Variants in SEC24B observed in about 807,000 individuals in gnomAD.
The protein encoded by SEC24B is protein transport protein Sec24B.
A neutral mutation model predicts 142.8 loss-of-function variants in SEC24B; 45 were observed. The ratio of observed to expected loss-of-function variants is 0.32; its 90% CI spans 0.25 to 0.40. The LOEUF is 0.40. Ranked by LOEUF, SEC24B falls within the 10% of genes least tolerant of loss-of-function variation. The pLI is 1.00. For synonymous variants in SEC24B, 574 were observed against 568.2 expected (o/e 1.01, Z -0.15); for missense variants, 1,409 against 1,526.8 (o/e 0.92, Z 1.29).
intron 9 of SEC24B, 138 bp downstream of exon 9, chr4:109,512,221 A>G (rs1250578161): frequency 2.1e-5 from 16 of 759,652 alleles, no homozygotes; most frequent in South Asian, 1.9e-4. Flanking sequence ...AATATAGGCT[A>G]AGGCTAGGAC....
Position 109,482,936 on chromosome 4 carries a change from CTATATATATATATATATATATA to C in SEC24B, c.1165+1178_1165+1199del, listed in dbSNP as rs775978447. 2.7e-3 allele frequency among the ~76,000 whole-genome samples: 92 copies of C among 34,618 alleles called. 6 individuals carry two copies. The East Asian group carries it at 0.03, about 11-fold the overall frequency. The allele number at this position is 34,618 out of a possible 152,430, so 22.7% of individuals were successfully genotyped here. A position where few individuals can be genotyped will look rare whatever the true frequency, so the allele number is the denominator to read the frequency against. On this transcript the variant is annotated intron_variant, in intron 4 of 23. Coordinates refer to ENST00000265175, the MANE Select transcript of SEC24B (RefSeq NM_006323.5). ...CATGAGCTACCTTGCCAGGCTTGTA[CTATATATATATATATATATATA>C]TATATATATATATATATATATACAC...
chr4:109,511,671 C>G (rs34851707), intron 8 of SEC24B, among the ~76,000 whole-genome samples: 15,155 of 152,232 alleles, frequency 0.1, 840 homozygotes, highest in Middle Eastern at 0.18. Context: ...ATGTTTCTCT[C>G]TCACTGTTAT....
intron 22 of SEC24B, among the ~76,000 whole-genome samples, chr4:109,537,224 A>C (rs2126109856): frequency 6.6e-6 from 1 of 152,334 alleles, no homozygotes; most frequent in African/African-American, 2.4e-5. Flanking sequence ...AGATTGTCAA[A>C]AATTTTAAAA....
intron 1 of SEC24B, among the ~76,000 whole-genome samples, chr4:109,437,333 G>A (rs984410759): frequency 2.0e-5 from 3 of 152,194 alleles, no homozygotes; most frequent in African/African-American, 7.2e-5. Context: ...CACCCAGGCT[G>A]GAGTCAGTGA....
At chr4:109,436,052 G>A (rs904883364) in intron 1 of SEC24B, among the ~76,000 whole-genome samples, 1 of 152,118 alleles carries the variant, frequency 6.6e-6, no homozygotes, top group African/African-American at 2.4e-5. Context: ...GGTTAAAAGG[G>A]GTCAGGTTGC....
intron 2 of SEC24B, 28 bp downstream of exon 2, chr4:109,463,672 CA>C (rs767892243): frequency 1.0e-5 from 16 of 1,593,532 alleles, no homozygotes; most frequent in Non-Finnish European, 1.4e-5. Context: ...TTCACCAAAA[CA>C]TGTTTGAAAA....
chr4:109,525,555 A>C, intron 16 of SEC24B, 51 bp downstream of exon 16: 1 of 1,319,384 alleles, frequency 7.6e-7, no homozygotes, highest in Non-Finnish European at 1.0e-6. Flanking sequence ...TATCAAAGTC[A>C]GTGAGCATTC....
chr4:109,447,051 A>T (rs1578762285), intron 1 of SEC24B, among the ~76,000 whole-genome samples: 1 of 152,250 alleles, frequency 6.6e-6, no homozygotes. Flanking sequence ...GCATGCATTC[A>T]CTTGTAGGAT....
chr4:109,473,259 TA>T (rs2125961956), intron 3 of SEC24B, 73 bp downstream of exon 3: 1 of 1,075,012 alleles, frequency 9.3e-7, no homozygotes. Context: ...GAAAAAAAGT[TA>T]CTTATAATCT....
intron 4 of SEC24B, among the ~76,000 whole-genome samples, chr4:109,483,003 C>CACACACACACACACACACACACACAT (rs1408633373): frequency 3.4e-4 from 29 of 84,064 alleles, no homozygotes; most frequent in African/African-American, 2.0e-3. Flanking sequence ...CACACACACA[C>CACACACACACACACACACACACACAT]ATATTATACA....
chr4:109,510,419 T>G (rs1737191582), intron 8 of SEC24B, among the ~76,000 whole-genome samples: 1 of 152,200 alleles, frequency 6.6e-6, no homozygotes, highest in East Asian at 1.9e-4. Context: ...AATCAAATTC[T>G]ATGAGATACT....
At chr4:109,491,636 C>A (rs1440195142) in intron 5 of SEC24B, among the ~76,000 whole-genome samples, 10 of 152,102 alleles carry the variant, frequency 6.6e-5, no homozygotes, top group Admixed American at 2.0e-4. Flanking sequence ...TTATCTTTTT[C>A]TAAAAGATTT....
rs1274347597 is a variant in SEC24B at position 109,484,812 on chromosome 4, A to G, written c.1165+3031A>G. Among the ~76,000 whole-genome samples the G allele has an allele frequency of 6.0e-5, 9 of 149,894 alleles. No individual in the cohort carries two copies. The East Asian group carries it at 1.8e-3, about 29-fold the overall frequency. On this transcript the variant is annotated intron_variant, in intron 4 of 23. Coordinates refer to ENST00000265175, the MANE Select transcript of SEC24B (RefSeq NM_006323.5). ...GGTTGCAGTGAGCCGAGATCACGCC[A>G]CTGCCCTGCAGCCTGGGTGGCAGAG...
intron 6 of SEC24B, among the ~76,000 whole-genome samples, chr4:109,499,833 T>A (rs1177025477): frequency 6.6e-6 from 1 of 151,276 alleles, no homozygotes; most frequent in African/African-American, 2.5e-5. Flanking sequence ...CTAAACTTTT[T>A]ATCTTTATTT....
At chr4:109,469,159 A>G (rs574967084) in intron 2 of SEC24B, among the ~76,000 whole-genome samples, 1 of 152,288 alleles carries the variant, frequency 6.6e-6, no homozygotes, top group South Asian at 2.1e-4. Flanking sequence ...TTGAATCATG[A>G]TTTCCTTCTC....
chr4:109,486,505 C>A (rs1734370226), intron 4 of SEC24B, among the ~76,000 whole-genome samples: 1 of 152,182 alleles, frequency 6.6e-6, no homozygotes, highest in African/African-American at 2.4e-5. Context: ...CTCGTTACTT[C>A]TTTAGATTTC....
chr4:109,539,004 C>T (rs937528910), intron 23 of SEC24B, among the ~76,000 whole-genome samples: 2 of 151,960 alleles, frequency 1.3e-5, no homozygotes, highest in East Asian at 1.9e-4. Flanking sequence ...TCTTGTCACC[C>T]GGGCTGGAGT....
chr4:109,467,777 T>G (rs569976332), intron 2 of SEC24B, among the ~76,000 whole-genome samples: 21 of 152,318 alleles, frequency 1.4e-4, no homozygotes, highest in African/African-American at 5.1e-4. Context: ...TTTTGAAAAT[T>G]TCTTGCTTAA....
At chr4:109,473,384 A>G (rs992591226) in intron 3 of SEC24B, among the ~76,000 whole-genome samples, 198 bp downstream of exon 3, 1 of 152,148 alleles carries the variant, frequency 6.6e-6, no homozygotes, top group Non-Finnish European at 1.5e-5. Flanking sequence ...TTCTTCATAT[A>G]TATTGAGTCT....
Sources: allele counts gnomAD v4.1 joint callset (sites outside exome capture counted in the v4.1 genomes callset), GRCh38; gene constraint gnomAD v4.1.1; transcripts MANE v1.5; gene names NCBI Gene and HGNC (gene_info 2026-07-23, HGNC 2026-07-21).